The following GALNTL6 variants were observed in gnomAD, a reference collection of about 807,000 sequenced individuals.
The protein encoded by GALNTL6 is polypeptide N-acetylgalactosaminyltransferase like 6, also known as polypeptide N-acetylgalactosaminyltransferase-like 6.
A neutral mutation model predicts 73.7 loss-of-function variants in GALNTL6; 46 were observed. The observed-to-expected ratio is 0.62, with a 90% CI of 0.49 to 0.80. GALNTL6 has a LOEUF of 0.80. Among genes scored for constraint, GALNTL6 ranks in the 30% least tolerant of loss-of-function variants. GALNTL6 has a pLI of 0.00. For synonymous variants in GALNTL6, 259 were observed against 263.7 expected (o/e 0.98, Z 0.17); for missense variants, 604 against 755.0 (o/e 0.80, Z 2.34).
chr4:172,169,447 T>C (rs958589932), intron 2 of GALNTL6, among the ~76,000 whole-genome samples: 2 of 152,212 alleles, frequency 1.3e-5, no homozygotes, highest in Admixed American at 1.3e-4. Context: ...AAAATAAATG[T>C]CATAGTGATG....
At chr4:172,675,713 T>A (rs1233044622) in intron 5 of GALNTL6, among the ~76,000 whole-genome samples, 2 of 152,238 alleles carry the variant, frequency 1.3e-5, no homozygotes, top group Admixed American at 1.3e-4. Context: ...AGGCCCCAAT[T>A]ACTATATTTT....
chr4:172,689,994 G>A (rs181849563), intron 5 of GALNTL6, among the ~76,000 whole-genome samples: 3 of 152,198 alleles, frequency 2.0e-5, no homozygotes. Flanking sequence ...AACTTCAGAG[G>A]TATAAGGTAT....
intron 7 of GALNTL6, among the ~76,000 whole-genome samples, chr4:172,821,289 T>G (rs183368631): frequency 1.2e-4 from 18 of 152,302 alleles, no homozygotes; most frequent in Non-Finnish European, 2.5e-4. Context: ...CCTTCATTCA[T>G]TCATTCAGAT....
At chr4:172,762,462 AAAG>A (rs911847669) in intron 5 of GALNTL6, among the ~76,000 whole-genome samples, 1 of 151,758 alleles carries the variant, frequency 6.6e-6, no homozygotes, top group African/African-American at 2.4e-5. Flanking sequence ...AAAAAAAAAA[AAAG>A]GAGTAACATG....
At position 172,723,540 on chromosome 4, in the gene GALNTL6, T is replaced by C. The variant is rs78158516; in HGVS notation, c.554-85821T>C. On this transcript the variant is annotated intron_variant, in intron 5 of 12. Coordinates refer to ENST00000506823, the MANE Select transcript of GALNTL6 (RefSeq NM_001034845.3). ...ACTATTGTTTTAGTTGATCTTTATC[T>C]TTTTTTATACTGTCCTAGCACACTT... 7.5e-3 allele frequency among the ~76,000 whole-genome samples: 1,141 copies of C among 152,268 alleles called. 12 individuals carry two copies. The highest frequency in any genetic ancestry group is 0.026 in the African/African-American group (1,086 of 41,568).
At chr4:172,063,809 A>T (rs1435624622) in intron 2 of GALNTL6, among the ~76,000 whole-genome samples, 1 of 152,218 alleles carries the variant, frequency 6.6e-6, no homozygotes, top group African/African-American at 2.4e-5. Flanking sequence ...ATTTAACAAG[A>T]CATTTTTTTA....
At chr4:172,852,899 GA>G (rs773352948) in intron 7 of GALNTL6, among the ~76,000 whole-genome samples, 1 of 151,972 alleles carries the variant, frequency 6.6e-6, no homozygotes, top group Non-Finnish European at 1.5e-5. Flanking sequence ...AAGAGCCAAG[GA>G]AAAATCACAT....
chr4:171,887,075 A>G (rs1454356630), intron 2 of GALNTL6, among the ~76,000 whole-genome samples: 5 of 152,196 alleles, frequency 3.3e-5, no homozygotes, highest in Admixed American at 2.0e-4. Flanking sequence ...TGAGCATTTC[A>G]AAGTAAAGTT....
At chr4:172,134,828 T>G (rs1251195829) in intron 2 of GALNTL6, among the ~76,000 whole-genome samples, 1 of 152,168 alleles carries the variant, frequency 6.6e-6, no homozygotes, top group East Asian at 1.9e-4. Flanking sequence ...AAACAAAGAT[T>G]TCTTCCATCA....
In GALNTL6 at chr4:172,811,426, A is replaced by G. The variant is rs773413683; in HGVS notation, c.739+1880A>G. Among the ~76,000 whole-genome samples the G allele has an allele frequency of 9.2e-5, 14 of 152,316 alleles. No homozygotes were observed. The Middle Eastern group carries it at 0.02, about 222-fold the overall frequency. On this transcript the variant is annotated intron_variant, in intron 6 of 12. Transcript: ENST00000506823. Reference sequence around the variant, plus strand: ...AACTTGTAAATCAACCTGATTCTGAATTTGATTGAAGAAAGTCACTGAAAC... The same window carrying G: ...AACTTGTAAATCAACCTGATTCTGAGTTTGATTGAAGAAAGTCACTGAAAC...
chr4:171,993,572 C>T (rs145952124), intron 2 of GALNTL6, among the ~76,000 whole-genome samples: 54 of 152,034 alleles, frequency 3.6e-4, no homozygotes, highest in African/African-American at 1.3e-3. Flanking sequence ...GAATATTTAG[C>T]CAAATGATGA....
At chr4:172,653,174 CTTCG>C (rs1740559665) in intron 5 of GALNTL6, among the ~76,000 whole-genome samples, 1 of 151,154 alleles carries the variant, frequency 6.6e-6, no homozygotes. Flanking sequence ...AAATTTTGTC[CTTCG>C]TTGGCTAAAC....
chr4:172,829,303 A>G (rs1344219866), intron 7 of GALNTL6, among the ~76,000 whole-genome samples: 1 of 152,172 alleles, frequency 6.6e-6, no homozygotes, highest in East Asian at 1.9e-4. Flanking sequence ...GTGACTCCTC[A>G]TGGTACCTAC....
At chr4:172,136,409 A>T (rs1733637757) in intron 2 of GALNTL6, among the ~76,000 whole-genome samples, 1 of 152,116 alleles carries the variant, frequency 6.6e-6, no homozygotes, top group African/African-American at 2.4e-5. Context: ...TCAATTTTTT[A>T]AAAACATACC....
intron 8 of GALNTL6, among the ~76,000 whole-genome samples, chr4:172,901,053 A>G (rs189849111): frequency 1.2e-4 from 18 of 152,216 alleles, no homozygotes; most frequent in African/African-American, 4.3e-4. Context: ...ATGCAGCCCT[A>G]TCGTTTTTGT....
intron 10 of GALNTL6, among the ~76,000 whole-genome samples, chr4:172,973,962 T>C (rs1392155599): frequency 2.6e-5 from 4 of 152,250 alleles, no homozygotes; most frequent in Non-Finnish European, 5.9e-5. Flanking sequence ...AGCTCAATGA[T>C]TGGCTCATAA....
intron 4 of GALNTL6, among the ~76,000 whole-genome samples, chr4:172,319,616 C>T (rs890540190): frequency 2.6e-5 from 4 of 151,924 alleles, no homozygotes; most frequent in Non-Finnish European, 5.9e-5. Flanking sequence ...GATTAGAAAT[C>T]CTGGTAAGTA....
intron 5 of GALNTL6, among the ~76,000 whole-genome samples, chr4:172,543,642 CAG>C (rs1216502991): frequency 6.6e-6 from 1 of 152,162 alleles, no homozygotes; most frequent in Non-Finnish European, 1.5e-5. Context: ...TTTGAGAAAA[CAG>C]AGACAGGGTA....
intron 5 of GALNTL6, among the ~76,000 whole-genome samples, chr4:172,524,081 A>G (rs1313972159): frequency 1.3e-5 from 2 of 152,162 alleles, no homozygotes; most frequent in African/African-American, 4.8e-5. Flanking sequence ...ACATATGTCT[A>G]TAATCTATCA....
Sources: allele counts gnomAD v4.1 joint callset (sites outside exome capture counted in the v4.1 genomes callset), GRCh38; gene constraint gnomAD v4.1.1; transcripts MANE v1.5; gene names NCBI Gene and HGNC (gene_info 2026-07-23, HGNC 2026-07-21).